KHDRBS3: variants seen among roughly 807,000 people sequenced by gnomAD.
KHDRBS3 encodes KH domain-containing, RNA-binding, signal transduction-associated protein 3.
In KHDRBS3, 23 loss-of-function variants were observed where a neutral mutation model predicts 45.6. The observed-to-expected ratio is 0.50, with a 90% CI of 0.36 to 0.72. KHDRBS3 has a LOEUF of 0.72. KHDRBS3 is among the 30% of genes least tolerant of loss of function. The pLI is 0.00. For synonymous variants in KHDRBS3, 162 were observed against 156.5 expected, an observed-to-expected ratio of 1.04 and a Z score of -0.26; for missense variants, 352 against 424.8, an observed-to-expected ratio of 0.83 and a Z score of 1.51.
intron 7 of KHDRBS3, among the ~76,000 whole-genome samples, chr8:135,639,753 C>T (rs1209986946): frequency 6.6e-6 from 1 of 152,204 alleles, no homozygotes; most frequent in Admixed American, 6.5e-5. Context: ...GGAGAAAGAA[C>T]AGGGTGGTGC....
chr8:135,500,953 C>G (rs1270049288), intron 1 of KHDRBS3, among the ~76,000 whole-genome samples: 1 of 151,986 alleles, frequency 6.6e-6, no homozygotes, highest in Non-Finnish European at 1.5e-5. Context: ...TTGTTTTAGC[C>G]AAAAAACATG....
At chr8:135,475,274 A>G (rs1172764128) in intron 1 of KHDRBS3, among the ~76,000 whole-genome samples, 1 of 152,158 alleles carries the variant, frequency 6.6e-6, no homozygotes, top group Non-Finnish European at 1.5e-5. Context: ...GTGTGTGGCA[A>G]AAAACTGTTT....
chr8:135,536,033 A>AT (rs1204913127), intron 2 of KHDRBS3, among the ~76,000 whole-genome samples: 9 of 151,658 alleles, frequency 5.9e-5, no homozygotes, highest in Non-Finnish European at 1.3e-4. Flanking sequence ...GGTAGGAGGG[A>AT]TTTTTTTGCA....
At chr8:135,607,821 G>A (rs750660775) in intron 7 of KHDRBS3, among the ~76,000 whole-genome samples, 2 of 152,096 alleles carry the variant, frequency 1.3e-5, no homozygotes, top group African/African-American at 2.4e-5. Context: ...TTTTGAACTC[G>A]TCCAGTGCCA....
At chr8:135,621,719 C>T (rs942587332) in intron 7 of KHDRBS3, among the ~76,000 whole-genome samples, 1 of 143,176 alleles carries the variant, frequency 7.0e-6, no homozygotes, top group African/African-American at 2.6e-5. Context: ...AAAAAAAAAA[C>T]GTGCAGTGGT....
At chr8:135,620,340 G>C (rs746498369) in intron 7 of KHDRBS3, among the ~76,000 whole-genome samples, 1 of 152,010 alleles carries the variant, frequency 6.6e-6, no homozygotes, top group Non-Finnish European at 1.5e-5. Flanking sequence ...AGTTCAAAGC[G>C]ATCTGTCCGC....
At chr8:135,458,245 G>T in intron 1 of KHDRBS3, 1 of 1,151,528 alleles carries the variant, frequency 8.7e-7, no homozygotes, top group Non-Finnish European at 1.1e-6. Context: ...CTGGGTGGGG[G>T]ACAGCGACCA....
intron 7 of KHDRBS3, among the ~76,000 whole-genome samples, chr8:135,630,474 T>C (rs539266320): frequency 3.3e-5 from 5 of 152,178 alleles, no homozygotes; most frequent in Admixed American, 1.3e-4. Context: ...CAATGAGTTA[T>C]AAAGTTTAAT....
chr8:135,522,143 C>A (rs1824946445), intron 2 of KHDRBS3, among the ~76,000 whole-genome samples: 1 of 152,148 alleles, frequency 6.6e-6, no homozygotes, highest in African/African-American at 2.4e-5. Context: ...TGTTCCCCTC[C>A]CTGTGTCCGT....
intron 1 of KHDRBS3, among the ~76,000 whole-genome samples, chr8:135,463,951 C>G (rs1407701724): frequency 6.6e-6 from 1 of 152,204 alleles, no homozygotes; most frequent in Non-Finnish European, 1.5e-5. Flanking sequence ...TGTGCATTCT[C>G]TCCCATCCCC....
intron 1 of KHDRBS3, among the ~76,000 whole-genome samples, chr8:135,515,457 G>T (rs1824542579): frequency 7.1e-6 from 1 of 141,778 alleles, no homozygotes; most frequent in Admixed American, 7.2e-5. Flanking sequence ...TGTCGTTGTT[G>T]ATTTTTTTTT....
At chr8:135,631,299 C>T (rs1321166389) in intron 7 of KHDRBS3, among the ~76,000 whole-genome samples, 3 of 134,720 alleles carry the variant, frequency 2.2e-5, no homozygotes, top group African/African-American at 8.2e-5. Context: ...AATAAATTAA[C>T]AGCTTACTAT....
intron 1 of KHDRBS3, among the ~76,000 whole-genome samples, chr8:135,460,871 T>G (rs1821394791): frequency 6.6e-6 from 1 of 152,342 alleles, no homozygotes; most frequent in South Asian, 2.1e-4. Flanking sequence ...TAGTCGTTCT[T>G]TAAAAATTCA....
chr8:135,649,591 G>T (rs1282317118), downstream of KHDRBS3, among the ~76,000 whole-genome samples: 1 of 152,060 alleles, frequency 6.6e-6, no homozygotes, highest in African/African-American at 2.4e-5. Context: ...CTGTTTGTTT[G>T]TCTGTTTGGA....
chr8:135,610,877 C>T (rs1346114977), intron 7 of KHDRBS3, among the ~76,000 whole-genome samples: 1 of 151,764 alleles, frequency 6.6e-6, no homozygotes, highest in Non-Finnish European at 1.5e-5. Context: ...GGAGTGACAG[C>T]ATGTTTCCTC....
chr8:135,596,600 A>G (rs554593383), intron 6 of KHDRBS3, among the ~76,000 whole-genome samples: 1 of 152,352 alleles, frequency 6.6e-6, no homozygotes, highest in Admixed American at 6.5e-5. Flanking sequence ...TTACAGACAT[A>G]CAAGAAGGTA....
At chr8:135,540,150 G>A (rs914531512) in intron 2 of KHDRBS3, 1 of 152,102 alleles carries the variant, frequency 6.6e-6, no homozygotes, top group Non-Finnish European at 1.5e-5. Flanking sequence ...GAAATAAAAA[G>A]GCATAAATTT....
chr8:135,620,275 AT>A (rs538775428), intron 7 of KHDRBS3, among the ~76,000 whole-genome samples: 72 of 151,622 alleles, frequency 4.7e-4, no homozygotes, highest in South Asian at 2.9e-3. Context: ...TAATTTTCGT[AT>A]TTTTTTTAGA....
intron 6 of KHDRBS3, among the ~76,000 whole-genome samples, chr8:135,586,645 G>C (rs1044222636): frequency 1.3e-5 from 2 of 152,114 alleles, no homozygotes; most frequent in African/African-American, 4.8e-5. Flanking sequence ...CTCAACATCT[G>C]TACCTCTGAA....
Sources: allele counts gnomAD v4.1 joint callset (sites outside exome capture counted in the v4.1 genomes callset), GRCh38; gene constraint gnomAD v4.1.1; transcripts MANE v1.5; gene names NCBI Gene and HGNC (gene_info 2026-07-23, HGNC 2026-07-21).